UNC13C: variants seen among roughly 807,000 people sequenced by gnomAD.
UNC13C encodes protein unc-13 homolog C.
Under a neutral mutation model 245.4 loss-of-function variants are expected in UNC13C, and 174 were observed. The ratio of observed to expected loss-of-function variants is 0.71; its 90% CI spans 0.63 to 0.80. The LOEUF (loss-of-function observed/expected upper bound fraction) is 0.80, where lower values mean the gene tolerates loss of function less well. Ranked by LOEUF, UNC13C falls within the 30% of genes least tolerant of loss-of-function variation. The pLI is 0.00. For missense variants in UNC13C, 2,829 were observed against 2,602.9 expected (o/e 1.09, Z -1.89); for synonymous variants, 992 against 895.1 (o/e 1.11, Z -1.93).
intron 19 of UNC13C, among the ~76,000 whole-genome samples, chr15:54,415,647 T>C (rs2040503040): frequency 6.6e-6 from 1 of 152,160 alleles, no homozygotes; most frequent in Admixed American, 6.5e-5. Context: ...CTCTAGAAAC[T>C]AACAACCTAG....
chr15:54,332,929 A>G (rs911472482), intron 15 of UNC13C, among the ~76,000 whole-genome samples: 2 of 151,914 alleles, frequency 1.3e-5, no homozygotes, highest in African/African-American at 2.4e-5. Flanking sequence ...GTATTATTTC[A>G]TGTTGGTTAT....
rs1430816338 is a variant in UNC13C, at chr15:54,427,020, T to G, written c.4933+11953T>G. On this transcript the variant is annotated intron_variant, in intron 19 of 32. Coordinates refer to ENST00000260323, the MANE Select transcript of UNC13C (RefSeq NM_001080534.3). ...TCTAAAGCTATATCTGAATAAAGAA[T>G]CTATATGTTTCATTAATGACCTACA... Among the ~76,000 whole-genome samples, 3 of 151,800 alleles carry G rather than the reference T, an allele frequency of 2.0e-5. No homozygotes were observed. The East Asian group carries it at 5.8e-4, about 30-fold the overall frequency.
At chr15:53,965,835 T>A in the UNC13C span, among the ~76,000 whole-genome samples, 1 of 151,668 alleles carries the variant, frequency 6.6e-6, no homozygotes, top group East Asian at 1.9e-4. Flanking sequence ...TCTGTTCTTG[T>A]GATAGTTTAC....
At chr15:54,543,857 A>C (rs1426873127) in intron 26 of UNC13C, among the ~76,000 whole-genome samples, 1 of 152,178 alleles carries the variant, frequency 6.6e-6, no homozygotes, top group Admixed American at 6.5e-5. Context: ...GCCGAATTCT[A>C]CCAGAGGTAC....
intron 2 of UNC13C, chr15:54,044,392 T>C: frequency 3.3e-6 from 1 of 300,148 alleles, no homozygotes; most frequent in Non-Finnish European, 6.8e-6. Context: ...TGAATATTTG[T>C]GTACAGGTTT....
intron 2 of UNC13C, among the ~76,000 whole-genome samples, chr15:54,042,777 C>T (rs1396432375): frequency 1.4e-4 from 21 of 151,912 alleles, no homozygotes; most frequent in Admixed American, 6.6e-4. Context: ...GGCGTGAACC[C>T]GGGAGGTGGA....
chr15:54,083,040 G>T (rs185943265), intron 2 of UNC13C, among the ~76,000 whole-genome samples: 4 of 152,272 alleles, frequency 2.6e-5, no homozygotes, highest in African/African-American at 9.6e-5. Flanking sequence ...AATTCAGGCT[G>T]CATTCCAGTA....
At chr15:53,867,355 A>G in the UNC13C span, among the ~76,000 whole-genome samples, 1 of 152,244 alleles carries the variant, frequency 6.6e-6, no homozygotes, top group Admixed American at 6.5e-5. Flanking sequence ...GGTATCAGAT[A>G]AAACATTAAC....
At chr15:53,847,615 C>T in the UNC13C span, among the ~76,000 whole-genome samples, 1 of 151,838 alleles carries the variant, frequency 6.6e-6, no homozygotes, top group South Asian at 2.1e-4. Context: ...ATCTGCCCAC[C>T]TCGGCCTCCC....
At chr15:54,055,204 C>G (rs930015835) in intron 2 of UNC13C, among the ~76,000 whole-genome samples, 4 of 152,122 alleles carry the variant, frequency 2.6e-5, no homozygotes, top group Non-Finnish European at 5.9e-5. Context: ...AAATCAGTTA[C>G]AATAACTCAT....
At chr15:54,632,680 G>A (rs1901477024), downstream of UNC13C, 1 of 152,086 alleles carries the variant, frequency 6.6e-6, no homozygotes. Context: ...TAAATCAATT[G>A]ACCAAATGTG....
intron 13 of UNC13C, among the ~76,000 whole-genome samples, chr15:54,305,237 T>C (rs965465267): frequency 6.6e-6 from 1 of 152,092 alleles, no homozygotes; most frequent in Non-Finnish European, 1.5e-5. Context: ...AGTTTTTCAG[T>C]TGCCAAAAAG....
At chr15:54,476,385 T>C (rs1043315318) in intron 19 of UNC13C, among the ~76,000 whole-genome samples, 3 of 150,494 alleles carry the variant, frequency 2.0e-5, no homozygotes, top group Non-Finnish European at 4.4e-5. Flanking sequence ...TCCTTGCCCA[T>C]GCCTATGTCT....
chr15:54,125,909 C>T (rs1339843607), intron 2 of UNC13C, among the ~76,000 whole-genome samples: 1 of 151,982 alleles, frequency 6.6e-6, no homozygotes, highest in Non-Finnish European at 1.5e-5. Flanking sequence ...CTTTCAACTG[C>T]CAATATCATG....
intron 19 of UNC13C, among the ~76,000 whole-genome samples, chr15:54,427,924 TTC>T (rs1288723636): frequency 2.0e-5 from 3 of 151,782 alleles, no homozygotes; most frequent in Admixed American, 2.0e-4. Flanking sequence ...GATACCTATT[TTC>T]TCTCAGAACC....
intron 17 of UNC13C, among the ~76,000 whole-genome samples, chr15:54,376,936 G>C (rs2039620054): frequency 6.6e-6 from 1 of 152,164 alleles, no homozygotes; most frequent in Admixed American, 6.6e-5. Flanking sequence ...GATCCTCCTA[G>C]ATTAGAATAG....
intron 29 of UNC13C, among the ~76,000 whole-genome samples, chr15:54,566,648 A>T (rs1897529334): frequency 6.6e-6 from 1 of 152,040 alleles, no homozygotes; most frequent in Non-Finnish European, 1.5e-5. Context: ...TACACCCTGA[A>T]TCTCCTCTAC....
chr15:54,259,088 G>C (rs947552204), intron 8 of UNC13C, among the ~76,000 whole-genome samples: 41 of 152,200 alleles, frequency 2.7e-4, no homozygotes, highest in African/African-American at 9.7e-4. Context: ...GAGCTCCCTT[G>C]AGCCTATAAG....
chr15:54,125,883 C>A (rs887739350), intron 2 of UNC13C, among the ~76,000 whole-genome samples: 13 of 152,034 alleles, frequency 8.6e-5, no homozygotes, highest in Admixed American at 8.5e-4. Flanking sequence ...TTTGTATGGT[C>A]TTTTTCCATT....
Sources: gnomAD v4.1 joint callset for allele counts (sites outside exome capture counted in the v4.1 genomes callset) on GRCh38, gnomAD v4.1.1 for gene constraint, MANE v1.5 for transcripts, NCBI Gene and HGNC (gene_info 2026-07-23, HGNC 2026-07-21) for gene names.